DPP8: variants seen among roughly 807,000 people sequenced by gnomAD.
DPP8 encodes DPP VIII.
In DPP8, 31 loss-of-function variants were observed where a neutral mutation model predicts 107.5. The ratio of observed to expected loss-of-function variants is 0.29; its 90% CI spans 0.22 to 0.39. DPP8 has a LOEUF of 0.39. Ranked by LOEUF, DPP8 falls within the 10% of genes least tolerant of loss-of-function variation. The pLI, the probability that DPP8 is intolerant of heterozygous loss-of-function variation, is 1.00. For synonymous variants in DPP8, 381 were observed against 356.6 expected, an observed-to-expected ratio of 1.07 and a Z score of -0.77; for missense variants, 842 against 1,076.1, an observed-to-expected ratio of 0.78 and a Z score of 3.04.
chr15:65,508,651 G>A (rs375469873), intron 2 of DPP8, among the ~76,000 whole-genome samples: 8 of 152,088 alleles, frequency 5.3e-5, no homozygotes, highest in Admixed American at 2.0e-4. Flanking sequence ...TCAGGAGCTC[G>A]AGACCAGCCT....
At chr15:65,462,318 T>C (rs2064997419) in intron 15 of DPP8, among the ~76,000 whole-genome samples, 1 of 152,120 alleles carries the variant, frequency 6.6e-6, no homozygotes, top group South Asian at 2.1e-4. Context: ...AATCATATTT[T>C]GTTTGTAAAC....
In DPP8 at chr15:65,466,699, C is replaced by A. The variant is rs763967014; in HGVS notation, c.1804G>T (p.Ala602Ser). 9.9e-5 allele frequency: 160 copies of A among 1,613,908 alleles called. No individual in the cohort carries two copies. The highest frequency in any genetic ancestry group is 1.3e-4 in the Non-Finnish European group (151 of 1,179,980). The stretch of plus-strand genomic sequence containing the variant: ...ATACCTGCTGAATCCAAAATGGTGG[C>A]CCAAAATTCCTTTGTTTTGCAAGTT... ...DPTCKTKEFW[A>S]TILDSAGPLP... is the part of the protein sequence containing the mutation. The change falls in exon 14 of 20, where the codon GCC (alanine) becomes TCC (serine). Residue 602 changes from alanine to serine, a missense_variant. Physicochemically the swap from Ala to Ser is moderately conservative, Grantham distance 99. This residue lies in a region of DPP8 where 663 missense variants were observed against 758.0 expected (regional missense o/e 0.87). Coordinates refer to ENST00000300141, the MANE Select transcript of DPP8 (RefSeq NM_130434.5).
chr15:65,449,071 A>G (rs2063772134), intron 19 of DPP8, among the ~76,000 whole-genome samples: 2 of 143,052 alleles, frequency 1.4e-5, no homozygotes, highest in South Asian at 4.3e-4. Flanking sequence ...TTAGCTGGGC[A>G]TAGTGGTATG....
In DPP8 at chr15:65,506,640, C is replaced by T. The variant is rs1435598937; in HGVS notation, c.372+603G>A. Among the ~76,000 whole-genome samples the T allele has an allele frequency of 1.7e-4, 3 of 17,204 alleles. No homozygotes were observed. In the Admixed American group the frequency reaches 2.6e-3, roughly 15 times the overall value. 11.3% of individuals were successfully genotyped at this position (17,204 alleles called of 152,430 possible). ...TATATACATATAAACATATACATAA[C>T]ATATATAAAATATATAAACATATAA... On this transcript the variant is annotated intron_variant, in intron 3 of 19. Transcript: ENST00000300141.
At chr15:65,511,157 G>C (rs939076907) in intron 2 of DPP8, among the ~76,000 whole-genome samples, 15 of 152,198 alleles carry the variant, frequency 9.9e-5, no homozygotes, top group African/African-American at 3.6e-4. Context: ...ATCTAATACA[G>C]TGATATTCAC....
At chr15:65,448,836 TA>T (rs1348784919) in intron 19 of DPP8, among the ~76,000 whole-genome samples, 1 of 125,856 alleles carries the variant, frequency 7.9e-6, no homozygotes, top group African/African-American at 2.9e-5. Flanking sequence ...TATACATATA[TA>T]ATATATAAAA....
chr15:65,458,492 C>T (rs907683874), intron 15 of DPP8: 7 of 152,090 alleles, frequency 4.6e-5, no homozygotes, highest in Admixed American at 3.3e-4. Flanking sequence ...AACTCCTGAC[C>T]TCAAGTCATC....
chr15:65,452,344 A>G (rs868351414), intron 17 of DPP8, among the ~76,000 whole-genome samples: 1 of 152,126 alleles, frequency 6.6e-6, no homozygotes, highest in African/African-American at 2.4e-5. Flanking sequence ...AACCTGGGCT[A>G]GCTGAAATAT....
intron 15 of DPP8, chr15:65,459,638 T>C (rs2064743588): frequency 6.6e-6 from 1 of 152,240 alleles, no homozygotes; most frequent in South Asian, 2.1e-4. Flanking sequence ...ATAGCTGTAC[T>C]GCATAAAGTA....
At chr15:65,448,359 C>A (rs540511073) in intron 19 of DPP8, among the ~76,000 whole-genome samples, 8 of 152,040 alleles carry the variant, frequency 5.3e-5, no homozygotes, top group African/African-American at 1.7e-4. Context: ...CTTAGTGACA[C>A]CCATCTCTAT....
At position 65,454,406 on chromosome 15, in the gene DPP8, C is replaced by T. The variant is rs1312923902; in HGVS notation, c.2128G>A (p.Glu710Lys). 1.3e-6 allele frequency: 2 copies of T among 1,591,316 alleles called. No individual in the cohort carries two copies. Among genetic ancestry groups the T allele is most frequent in the Non-Finnish European group, 1.7e-6 (2 of 1,172,532 alleles). The change falls in exon 17 of 20, where the codon GAA (glutamate) becomes AAA (lysine). Residue 710 changes from glutamate (E) to lysine (K), a missense_variant. Glu to Lys is a moderately conservative substitution (Grantham distance 56). Coordinates refer to ENST00000300141, the MANE Select transcript of DPP8 (RefSeq NM_130434.5). ...AGTCCTTCCACCTGATCGTCAATTT[C>T]TATTTGACCCTGTCAAAAAAGGGAG... is the stretch of plus-strand genomic sequence containing the variant. ...GAFKYKMGQI[E>K]IDDQVEGLQY...
chr15:65,485,544 C>CAAAAAAAAAAAAAAAA (rs56940292), intron 7 of DPP8, among the ~76,000 whole-genome samples: 4 of 61,236 alleles, frequency 6.5e-5, no homozygotes, highest in Non-Finnish European at 6.7e-5. Context: ...GACTCCATCT[C>CAAAAAAAAAAAAAAAA]AAAAAAAAAA....
chr15:65,459,350 T>TG (rs2064720895), intron 15 of DPP8, among the ~76,000 whole-genome samples: 1 of 151,872 alleles, frequency 6.6e-6, no homozygotes, highest in Admixed American at 6.6e-5. Flanking sequence ...CTAATTTTTT[T>TG]ATTTTTTGTA....
At chr15:65,448,377 T>A (rs1010921389) in intron 19 of DPP8, among the ~76,000 whole-genome samples, 3 of 151,780 alleles carry the variant, frequency 2.0e-5, no homozygotes, top group Admixed American at 2.0e-4. Flanking sequence ...TATTTATTTT[T>A]AAAAATATAT....
At chr15:65,495,896 A>G (rs1030261958) in intron 5 of DPP8, among the ~76,000 whole-genome samples, 18 of 152,076 alleles carry the variant, frequency 1.2e-4, no homozygotes, top group African/African-American at 4.3e-4. Flanking sequence ...ACAAACAACA[A>G]CAAAAAAGAA....
intron 4 of DPP8, 68 bp downstream of exon 4, chr15:65,500,536 CCT>C (rs2069108427): frequency 1.6e-6 from 2 of 1,256,152 alleles, no homozygotes; most frequent in African/African-American, 3.0e-5. Context: ...TTATTAATTA[CCT>C]TTCTGCTTTG....
chr15:65,480,404 T>A lies in DPP8; in HGVS notation c.1119-5A>T. On this transcript the variant is annotated splice_region_variant and splice_polypyrimidine_tract_variant and intron_variant, in intron 9 of 19. Transcript: ENST00000300141. The stretch of plus-strand genomic sequence containing the variant: ...TCTAGTAGGATGGACCAAGCACTAT[T>A]TAAATAAATAAAAGAGAAGAACCAG... 3.1e-6 allele frequency: 5 copies of A among 1,593,154 alleles called. No homozygotes were observed. The highest frequency in any genetic ancestry group is 4.3e-6 in the Non-Finnish European group (5 of 1,171,490).
At chr15:65,454,436 T>G in intron 16 of DPP8, 21 bp from the exon 17 acceptor site, 1 of 1,577,884 alleles carries the variant, frequency 6.3e-7, no homozygotes, top group Non-Finnish European at 8.6e-7. Context: ...AGGGAGAACA[T>G]TTCACTGATT....
intron 7 of DPP8, among the ~76,000 whole-genome samples, chr15:65,486,947 C>T (rs183276157): frequency 3.7e-4 from 56 of 151,518 alleles, no homozygotes; most frequent in African/African-American, 1.3e-3. Context: ...TCCATGTAAC[C>T]GAAAACCACC....
Sources: allele counts gnomAD v4.1 joint callset (sites outside exome capture counted in the v4.1 genomes callset), GRCh38; gene constraint gnomAD v4.1.1; regional missense constraint gnomAD v4.1.1; transcripts MANE v1.5; gene names NCBI Gene and HGNC (gene_info 2026-07-23, HGNC 2026-07-21).